Variants in CACNA1I observed in about 807,000 individuals in gnomAD.
CACNA1I encodes the protein calcium voltage-gated channel subunit alpha1 I, also known as voltage-dependent T-type calcium channel subunit alpha-1I.
CACNA1I carries 74 observed loss-of-function variants against 201.6 expected under a neutral mutation model. The observed-to-expected ratio is 0.37, with a 90% CI of 0.30 to 0.45. The LOEUF (loss-of-function observed/expected upper bound fraction) is 0.45, where lower values mean the gene tolerates loss of function less well. Among genes scored for constraint, CACNA1I ranks in the 20% least tolerant of loss-of-function variants. The pLI is 1.00. For missense variants in CACNA1I, 2,346 were observed against 3,138.1 expected, an observed-to-expected ratio of 0.75 and a Z score of 6.03; for synonymous variants, 1,431 against 1,345.2, an observed-to-expected ratio of 1.06 and a Z score of -1.40.
intron 3 of CACNA1I, among the ~76,000 whole-genome samples, chr22:39,601,981 CT>C (rs1933066461): frequency 3.9e-4 from 6 of 15,382 alleles, no homozygotes; most frequent in South Asian, 3.2e-3. Context: ...CCCTCCCTCC[CT>C]TCCTTCCTTC....
intron 33 of CACNA1I, among the ~76,000 whole-genome samples, chr22:39,680,246 AC>A (rs1935662561): frequency 6.6e-6 from 1 of 151,982 alleles, no homozygotes; most frequent in South Asian, 2.1e-4. Flanking sequence ...CTGGCACTCA[AC>A]CTCCTCCAGG....
Position 39,659,990 on chromosome 22 carries a change from TGAG to T in CACNA1I, c.2604+140_2604+142del. ...TATCCCTAAAGGAGGGGGTTGCTGA[TGAG>T]GTGGTGAGCTCTTCATCATAGGAAG... is the stretch of plus-strand genomic sequence containing the variant. On this transcript the variant is annotated intron_variant, in intron 14 of 36. Coordinates refer to ENST00000402142, the MANE Select transcript of CACNA1I (RefSeq NM_021096.4). This position sits in a 1 kb window ranked among gnomAD's most constrained non-coding sequence, Gnocchi z 4.3. 1 of 901,230 alleles carries T rather than the reference TGAG, an allele frequency of 1.1e-6. No homozygotes were observed. Among genetic ancestry groups the T allele is most frequent in the Admixed American group, 2.2e-5 (1 of 45,496 alleles). The allele number at this position is 901,230 out of a possible 1,614,324, so 55.8% of individuals were successfully genotyped here.
intron 1 of CACNA1I, among the ~76,000 whole-genome samples, chr22:39,573,958 G>A (rs1421240067): frequency 1.3e-5 from 2 of 152,174 alleles, no homozygotes; most frequent in African/African-American, 4.8e-5. Flanking sequence ...GCTGCGCAGA[G>A]CGAGGGTTCC....
intron 3 of CACNA1I, among the ~76,000 whole-genome samples, chr22:39,617,988 A>G (rs184439677): frequency 2.6e-5 from 4 of 151,406 alleles, no homozygotes; most frequent in East Asian, 3.9e-4. Context: ...AGGAGTGTGC[A>G]TGTATGAGGA....
chr22:39,649,848 A>T lies in CACNA1I; in HGVS notation c.1915A>T (p.Ser639Cys). The T allele has an allele frequency of 6.2e-7, 1 of 1,613,646 alleles. No homozygotes were observed. Among genetic ancestry groups the T allele is most frequent in the Non-Finnish European group, 8.5e-7 (1 of 1,179,742 alleles). ...AGCCAAGCTGCGCGGCATCGTGGAC[A>T]GCAAGTACTTCAACCGGGGCATCAT... is the stretch of plus-strand genomic sequence containing the variant. ...TRAKLRGIVD[S>C]KYFNRGIMMA... Residue 639 changes from serine to cysteine, a missense_variant, in exon 10 of 37, where the codon AGC becomes TGC. By Grantham distance (112) the Ser-to-Cys change is moderately radical. Around this residue, in one of 13 missense-constraint regions of CACNA1I, gnomAD observed 312 missense variants for 331.5 expected, o/e 0.94. Transcript: ENST00000402142. The surrounding 1 kb of genome is among the most constrained non-coding windows in gnomAD (Gnocchi z 7.3).
In CACNA1I at chr22:39,647,881, AC is replaced by A; in HGVS notation, c.1523del (p.Thr508IlefsTer140). On this transcript the variant is annotated frameshift_variant, in exon 9 of 37. Transcript: ENST00000402142. LOFTEE classifies it high-confidence loss of function. ...ACATCTCGGAAGCCGGCATTGCCAGACTTTGCATGGGCCTGCCTCCCCTGGA... is the reference window on the plus strand; with the variant it reads ...ACATCTCGGAAGCCGGCATTGCCAGATTTGCATGGGCCTGCCTCCCCTGGA... ...GRHLGSRHCQ[T>X]LHGPASPGND... The A allele has an allele frequency of 6.2e-7, 1 of 1,613,574 alleles. No individual in the cohort carries two copies. Among genetic ancestry groups the A allele is most frequent in the Non-Finnish European group, 8.5e-7 (1 of 1,179,836 alleles).
At chr22:39,660,960 A>G in intron 15 of CACNA1I, 148 bp from the exon 16 acceptor site, 1 of 687,774 alleles carries the variant, frequency 1.5e-6, no homozygotes, top group Non-Finnish European at 2.6e-6. Context: ...ATGGGGTGCA[A>G]CCAGGAAGAC....
Position 39,598,179 on chromosome 22 carries a change from A to G in CACNA1I, c.265A>G (p.Ile89Val). The G allele has an allele frequency of 6.2e-7, 1 of 1,606,434 alleles. No homozygotes were observed. Among genetic ancestry groups the G allele is most frequent in the Non-Finnish European group, 8.5e-7 (1 of 1,176,678 alleles). Residue 89 changes from isoleucine (I) to valine (V), a missense_variant, in exon 2 of 37, where the codon ATC becomes GTC. Physicochemically the swap from Ile to Val is conservative, Grantham distance 29 (BLOSUM62 3). Transcript: ENST00000402142. ...PWFECVSMLV[I>V]LLNCVTLGMY... ...GTTTGAATGTGTCAGCATGCTGGTG[A>G]TCCTGCTGAACTGCGTGACACTTGG...
intron 1 of CACNA1I, among the ~76,000 whole-genome samples, chr22:39,580,402 T>C (rs1360095255): frequency 2.6e-5 from 4 of 152,044 alleles, no homozygotes; most frequent in Admixed American, 6.6e-5. Flanking sequence ...CCAGCAGGCA[T>C]TGGAGGAGCC....
chr22:39,660,366 C>G lies in CACNA1I; in HGVS notation c.2627C>G (p.Ser876Trp), dbSNP rs60867664. ...CAGGGTGACGCCAATCGCTCCTACT[C>G]GGACGAGGACCAGAGCTCATCCAAC... ...QAEGDANRSY[S>W]DEDQSSSNIE... The change falls in exon 15 of 37, where the codon TCG (serine) becomes TGG (tryptophan). Residue 876 changes from serine (S) to tryptophan (W), a missense_variant. By Grantham distance (177) the Ser-to-Trp change is radical (BLOSUM62 -3). Transcript: ENST00000402142. 6.2e-7 allele frequency: 1 copy of G among 1,612,740 alleles called. No homozygotes were observed. The highest frequency in any genetic ancestry group is 8.5e-7 in the Non-Finnish European group (1 of 1,179,562).
chr22:39,665,650 G>T lies in CACNA1I; in HGVS notation c.3978+26G>T. The T allele has an allele frequency of 1.2e-6, 2 of 1,608,174 alleles. No homozygotes were observed. Among genetic ancestry groups the T allele is most frequent in the Non-Finnish European group, 1.7e-6 (2 of 1,175,456 alleles). ...GTGAGGGGTGCCCAGTCTGGGCAGG[G>T]ACTGGGCTCTGTGACTGGGGAAAAG... On this transcript the variant is annotated intron_variant, in intron 22 of 36. Transcript: ENST00000402142. This position sits in a 1 kb window ranked among gnomAD's most constrained non-coding sequence, Gnocchi z 5.5.
chr22:39,604,744 A>AT (rs879612259), intron 3 of CACNA1I, among the ~76,000 whole-genome samples: 163 of 144,446 alleles, frequency 1.1e-3, no homozygotes, highest in Middle Eastern at 3.6e-3. Context: ...TGCCCGGCTA[A>AT]TTTTTTTTTT....
chr22:39,596,092 G>A (rs1342312216), intron 1 of CACNA1I, among the ~76,000 whole-genome samples: 4 of 137,190 alleles, frequency 2.9e-5, no homozygotes, highest in Non-Finnish European at 4.7e-5. Context: ...TCTGAGGAGC[G>A]GCAGGAGCCA....
intron 24 of CACNA1I, 91 bp downstream of exon 24, chr22:39,668,472 A>G (rs1935263173): frequency 1.3e-6 from 1 of 788,666 alleles, no homozygotes; most frequent in South Asian, 1.5e-5. Flanking sequence ...ACTGGTGCCA[A>G]TGAGTTCCAC....
Position 39,677,237 on chromosome 22 carries a change from C to T in CACNA1I, c.4855-104C>T. 1.4e-6 allele frequency: 1 copy of T among 727,348 alleles called. No individual in the cohort carries two copies. The highest frequency in any genetic ancestry group is 2.7e-5 in the East Asian group (1 of 36,634). The allele number at this position is 727,348 out of a possible 1,614,324, so 45.1% of individuals were successfully genotyped here. A position where few individuals can be genotyped will look rare whatever the true frequency, so the allele number is the denominator to read the frequency against. On this transcript the variant is annotated intron_variant, in intron 29 of 36. Coordinates refer to ENST00000402142, the MANE Select transcript of CACNA1I (RefSeq NM_021096.4). The surrounding 1 kb of genome is among the most constrained non-coding windows in gnomAD (Gnocchi z 4.8). ...TGGGGGAATGTTACAGCTGCTCTGA[C>T]CCACAGGCTGCCCAACCCCACTGCC...
At position 39,665,856 on chromosome 22, in the gene CACNA1I, C is replaced by T. The variant is rs753608087; in HGVS notation, c.3979-25C>T. ...GACTTGCAACCCTCACCTGTGAGAGCACCAACCTCACCCCCTTTCCCCAGC... is the reference window on the plus strand; with the variant it reads ...GACTTGCAACCCTCACCTGTGAGAGTACCAACCTCACCCCCTTTCCCCAGC... On this transcript the variant is annotated intron_variant, in intron 22 of 36. Transcript: ENST00000402142. This position sits in a 1 kb window ranked among gnomAD's most constrained non-coding sequence, Gnocchi z 5.5. The T allele has an allele frequency of 1.9e-6, 3 of 1,613,636 alleles. No homozygotes were observed. The highest frequency in any genetic ancestry group is 2.5e-6 in the Non-Finnish European group (3 of 1,179,782).
chr22:39,581,414 C>T (rs558663242), intron 1 of CACNA1I, among the ~76,000 whole-genome samples: 1 of 152,296 alleles, frequency 6.6e-6, no homozygotes, highest in African/African-American at 2.4e-5. Flanking sequence ...CGAGGGGAGG[C>T]ACCGGTGTGG....
At chr22:39,597,948 C>T (rs1007515804) in intron 1 of CACNA1I, among the ~76,000 whole-genome samples, 3 of 152,050 alleles carry the variant, frequency 2.0e-5, no homozygotes, top group African/African-American at 4.8e-5. Context: ...GTGGGTTTGG[C>T]GCATATGGCC....
Position 39,663,707 on chromosome 22 carries a change from A to AGCC in CACNA1I, c.3474-11_3474-10insGCC. Reference sequence around the variant, plus strand: ...GCTGACGCTCAGGCAGCCCCCGCCCACCCTGCCCAGGTTCCGGGTCCTGTG... The same window carrying AGCC: ...GCTGACGCTCAGGCAGCCCCCGCCCAGCCCCCTGCCCAGGTTCCGGGTCCTGTG... On this transcript the variant is annotated splice_polypyrimidine_tract_variant and intron_variant, in intron 18 of 36. Coordinates refer to ENST00000402142, the MANE Select transcript of CACNA1I (RefSeq NM_021096.4). 3 of 864,812 alleles carry AGCC rather than the reference A, an allele frequency of 3.5e-6. No individual in the cohort carries two copies. Among genetic ancestry groups the AGCC allele is most frequent in the Non-Finnish European group, 3.5e-6 (2 of 566,922 alleles). 53.6% of individuals were successfully genotyped at this position (864,812 alleles called of 1,614,324 possible).
Sources: allele counts gnomAD v4.1 joint callset (sites outside exome capture counted in the v4.1 genomes callset), GRCh38; gene constraint gnomAD v4.1.1; regional missense constraint gnomAD v4.1.1; non-coding constraint Gnocchi (gnomAD v3.1); transcripts MANE v1.5; gene names NCBI Gene and HGNC (gene_info 2026-07-23, HGNC 2026-07-21).